PATJ: variants seen among roughly 807,000 people sequenced by gnomAD.
PATJ encodes the protein inaD-like protein.
In PATJ, 190 loss-of-function variants were observed where a neutral mutation model predicts 224.9. The ratio of observed to expected loss-of-function variants is 0.84; its 90% CI spans 0.75 to 0.95. The LOEUF is 0.95. Ranked by LOEUF, PATJ falls within the 40% of genes least tolerant of loss-of-function variation. The probability of loss-of-function intolerance (pLI) is 0.00; values close to 1 mark genes in which losing one functional copy is unlikely to be tolerated. For missense variants in PATJ, 2,121 were observed against 2,270.3 expected (o/e 0.93, Z 1.34); for synonymous variants, 769 against 820.3 (o/e 0.94, Z 1.07).
intron 29 of PATJ, among the ~76,000 whole-genome samples, chr1:62,020,957 C>T (rs1353817158): frequency 6.6e-6 from 1 of 152,072 alleles, no homozygotes; most frequent in East Asian, 1.9e-4. Flanking sequence ...TCCCGAGTAG[C>T]TGGGACTACA....
chr1:61,806,348 G>A (rs532708014), intron 13 of PATJ, among the ~76,000 whole-genome samples: 10 of 152,236 alleles, frequency 6.6e-5, no homozygotes, highest in Admixed American at 5.9e-4. Flanking sequence ...GGCCGGGCGC[G>A]GTGGCTCACG....
At chr1:62,128,155 AGCCCTGG>A in intron 40 of PATJ, 61 bp downstream of exon 40, 2 of 1,600,286 alleles carry the variant, frequency 1.2e-6, no homozygotes. Context: ...AGGAAGTTGC[AGCCCTGG>A]GCACCTTGTT....
At chr1:61,845,936 T>A (rs1278012270) in intron 17 of PATJ, 1 of 152,202 alleles carries the variant, frequency 6.6e-6, no homozygotes, top group African/African-American at 2.4e-5. Flanking sequence ...CCCTGTGTTT[T>A]CATATTTTAA....
intron 33 of PATJ, among the ~76,000 whole-genome samples, chr1:62,092,579 C>A (rs1350618060): frequency 2.0e-5 from 3 of 151,568 alleles, no homozygotes; most frequent in Non-Finnish European, 2.9e-5. Context: ...CCACACCCAG[C>A]TAATTTTTGT....
intron 7 of PATJ, among the ~76,000 whole-genome samples, chr1:61,776,255 G>A (rs1646907808): frequency 6.6e-6 from 1 of 152,196 alleles, no homozygotes; most frequent in South Asian, 2.1e-4. Context: ...AGGGCTCTGA[G>A]AGCCTTGCAG....
chr1:61,859,070 C>T (rs11207848), intron 18 of PATJ, among the ~76,000 whole-genome samples: 55,528 of 152,002 alleles, frequency 0.37, 10,906 homozygotes, highest in South Asian at 0.53. Context: ...TTTGTCTAGA[C>T]TTTCCCTGAT....
At chr1:62,101,728 G>A (rs1462567097) in intron 33 of PATJ, among the ~76,000 whole-genome samples, 4 of 152,188 alleles carry the variant, frequency 2.6e-5, no homozygotes, top group African/African-American at 9.6e-5. Flanking sequence ...GTTTCAGACA[G>A]ACTGTTGAGG....
Position 61,951,121 on chromosome 1 carries a change from G to A in PATJ, c.3670+23292G>A, listed in dbSNP as rs533770358. 4.0e-5 allele frequency among the ~76,000 whole-genome samples: 6 copies of A among 151,808 alleles called. No individual in the cohort carries two copies. The East Asian group carries it at 1.2e-3, about 29-fold the overall frequency. On this transcript the variant is annotated intron_variant, in intron 27 of 43. Coordinates refer to ENST00000642238, the MANE Select transcript of PATJ (RefSeq NM_001350145.3). ...GGTCGCGCCTCTGCACTTCAGCCTGGGCAACAGAGCTGTCTAAAAAGCGCA... is the reference window on the plus strand; with the variant it reads ...GGTCGCGCCTCTGCACTTCAGCCTGAGCAACAGAGCTGTCTAAAAAGCGCA...
At chr1:61,765,066 ATTTTTTT>A (rs71582647) in intron 3 of PATJ, among the ~76,000 whole-genome samples, 4 of 24,018 alleles carry the variant, frequency 1.7e-4, no homozygotes, top group African/African-American at 4.2e-4. Flanking sequence ...ATTGACATTC[ATTTTTTT>A]TTTTTTTTTT....
rs888890857 is a variant in PATJ at position 61,869,503 on chromosome 1, A to G, written c.2835+4870A>G. Reference sequence around the variant, plus strand: ...TTCCTGGGGGTCGACCCACCTCAAGAGGGAATGTTTGATAGCCTCATTTCC... The same window carrying G: ...TTCCTGGGGGTCGACCCACCTCAAGGGGGAATGTTTGATAGCCTCATTTCC... On this transcript the variant is annotated intron_variant, in intron 20 of 43. Transcript: ENST00000642238. Among the ~76,000 whole-genome samples, 41 of 152,088 alleles carry G rather than the reference A, an allele frequency of 2.7e-4. 1 individual carries two copies. The highest frequency in any genetic ancestry group is 5.1e-4 in the Non-Finnish European group (35 of 68,002).
intron 29 of PATJ, among the ~76,000 whole-genome samples, chr1:62,032,305 T>G (rs560629845): frequency 1.4e-5 from 2 of 138,388 alleles, no homozygotes; most frequent in Admixed American, 1.5e-4. Context: ...GCTTCCAATC[T>G]CTGACTTCCT....
At chr1:62,011,836 G>A (rs1306722810) in intron 28 of PATJ, among the ~76,000 whole-genome samples, 1 of 151,998 alleles carries the variant, frequency 6.6e-6, no homozygotes, top group African/African-American at 2.4e-5. Flanking sequence ...CAGTTGTATG[G>A]GACTCCATAT....
At chr1:61,903,476 TA>T (rs1287851317) in intron 24 of PATJ, among the ~76,000 whole-genome samples, 2 of 152,194 alleles carry the variant, frequency 1.3e-5, no homozygotes, top group African/African-American at 4.8e-5. Context: ...TTGACATCCA[TA>T]TAATAATAGT....
At chr1:61,856,866 A>C (rs997376212) in intron 18 of PATJ, among the ~76,000 whole-genome samples, 2 of 152,100 alleles carry the variant, frequency 1.3e-5, no homozygotes, top group African/African-American at 2.4e-5. Flanking sequence ...GTGCTTTTTT[A>C]GGGGTGTGAG....
chr1:61,894,115 T>G (rs12032240), intron 22 of PATJ, among the ~76,000 whole-genome samples: 129,739 of 151,238 alleles, frequency 0.86, 55,684 homozygotes, highest in East Asian at 1. Flanking sequence ...TTAGCCGGGC[T>G]TGGTGGTGCA....
intron 7 of PATJ, among the ~76,000 whole-genome samples, chr1:61,785,048 A>G (rs888834745): frequency 2.0e-5 from 3 of 152,208 alleles, no homozygotes; most frequent in Non-Finnish European, 4.4e-5. Flanking sequence ...TCCTTCATTT[A>G]GGTTCCTGTA....
At chr1:62,111,342 A>T (rs555413740) in intron 34 of PATJ, among the ~76,000 whole-genome samples, 1 of 152,296 alleles carries the variant, frequency 6.6e-6, no homozygotes, top group East Asian at 1.9e-4. Context: ...TTCACAGACA[A>T]TGAAAATGTA....
intron 33 of PATJ, among the ~76,000 whole-genome samples, chr1:62,104,250 C>T (rs945463072): frequency 2.0e-5 from 3 of 152,100 alleles, no homozygotes; most frequent in Non-Finnish European, 4.4e-5. Flanking sequence ...GCATAATCAA[C>T]ACCAAATTTT....
intron 33 of PATJ, among the ~76,000 whole-genome samples, chr1:62,098,559 C>T (rs754746596): frequency 6.6e-6 from 1 of 151,330 alleles, no homozygotes; most frequent in Non-Finnish European, 1.5e-5. Flanking sequence ...TGTGCCATTG[C>T]ACTCCAGTCT....
Sources: allele counts gnomAD v4.1 joint callset (sites outside exome capture counted in the v4.1 genomes callset), GRCh38; gene constraint gnomAD v4.1.1; transcripts MANE v1.5; gene names NCBI Gene and HGNC (gene_info 2026-07-23, HGNC 2026-07-21).